The following ROBO1 variants were observed in gnomAD, a reference collection of about 807,000 sequenced individuals.
ROBO1 encodes roundabout guidance receptor 1.
In ROBO1, 149 loss-of-function variants were observed where a neutral mutation model predicts 195.9. The ratio of observed to expected loss-of-function variants is 0.76; its 90% CI spans 0.67 to 0.87. ROBO1 has a LOEUF of 0.87. ROBO1 is among the 40% of genes least tolerant of loss of function. The pLI is 0.00. For synonymous variants in ROBO1, 816 were observed against 733.2 expected (o/e 1.11, Z -1.82); for missense variants, 1,933 against 2,068.3 (o/e 0.93, Z 1.27).
At chr3:78,671,067 A>G (rs146339137) in intron 10 of ROBO1, among the ~76,000 whole-genome samples, 1 of 152,354 alleles carries the variant, frequency 6.6e-6, no homozygotes, top group East Asian at 1.9e-4. Context: ...CCGTTACCTT[A>G]GATAATAGTT....
chr3:78,884,884 G>GTGTGTGTGTT (rs2036452834), intron 4 of ROBO1, among the ~76,000 whole-genome samples: 1 of 151,792 alleles, frequency 6.6e-6, no homozygotes, highest in Non-Finnish European at 1.5e-5. Context: ...GTGTGTGTGT[G>GTGTGTGTGTT]TGTGTGTGTA....
At chr3:78,974,697 A>G (rs2076847680) in intron 3 of ROBO1, among the ~76,000 whole-genome samples, 1 of 152,160 alleles carries the variant, frequency 6.6e-6, no homozygotes, top group Admixed American at 6.6e-5. Context: ...ACAGGTGAAG[A>G]GATCACATCT....
At chr3:79,061,573 G>T (rs1165580754) in intron 3 of ROBO1, among the ~76,000 whole-genome samples, 1 of 152,100 alleles carries the variant, frequency 6.6e-6, no homozygotes, top group Non-Finnish European at 1.5e-5. Context: ...AACAAAGCTG[G>T]AGACATCACA....
chr3:79,708,425 G>T (rs73849819), intron 1 of ROBO1, among the ~76,000 whole-genome samples: 2 of 152,034 alleles, frequency 1.3e-5, no homozygotes, highest in South Asian at 2.1e-4. Flanking sequence ...CATAAAACAC[G>T]AATTATATAA....
At chr3:79,419,514 C>G (rs1201362989) in intron 2 of ROBO1, among the ~76,000 whole-genome samples, 1 of 152,106 alleles carries the variant, frequency 6.6e-6, no homozygotes, top group African/African-American at 2.4e-5. Flanking sequence ...GTGAAAACCA[C>G]TCTCAGGATC....
chr3:78,628,292 A>G (rs759875236), intron 25 of ROBO1, among the ~76,000 whole-genome samples: 19 of 152,362 alleles, frequency 1.2e-4, no homozygotes, highest in Admixed American at 6.5e-4. Context: ...AGAGAAAGAT[A>G]TAATGGAGGT....
At chr3:79,272,771 C>G (rs930541751) in intron 2 of ROBO1, among the ~76,000 whole-genome samples, 2 of 152,022 alleles carry the variant, frequency 1.3e-5, no homozygotes, top group Admixed American at 1.3e-4. Context: ...TAGCCCAAAG[C>G]GGCAGGCTGA....
Position 78,714,379 on chromosome 3 carries a change from G to A in ROBO1, c.1045+18C>T. On this transcript the variant is annotated intron_variant, in intron 8 of 30. Transcript: ENST00000464233. ...TGTATGCTAAAACCACCAAAACAAA[G>A]CCTTTCCCAATGCCTACCTTGAACA... The A allele has an allele frequency of 6.2e-7, 1 of 1,602,048 alleles. No individual in the cohort carries two copies. Among genetic ancestry groups the A allele is most frequent in the Non-Finnish European group, 8.5e-7 (1 of 1,175,880 alleles).
chr3:78,688,420 T>C (rs993084318), intron 9 of ROBO1, among the ~76,000 whole-genome samples: 4 of 152,200 alleles, frequency 2.6e-5, no homozygotes, highest in African/African-American at 9.7e-5. Flanking sequence ...TAATTTTATA[T>C]ACTACCTTGT....
At chr3:79,460,376 G>A (rs1301869255) in intron 2 of ROBO1, among the ~76,000 whole-genome samples, 2 of 152,134 alleles carry the variant, frequency 1.3e-5, no homozygotes, top group Middle Eastern at 3.4e-3. Flanking sequence ...TCTCCAAACC[G>A]GAAGAAAAGC....
intron 3 of ROBO1, among the ~76,000 whole-genome samples, chr3:79,094,377 G>T (rs1299077986): frequency 2.0e-5 from 3 of 152,082 alleles, no homozygotes; most frequent in Non-Finnish European, 1.5e-5. Context: ...TCAGCAGAGT[G>T]GTGAGAGTAT....
At chr3:79,084,271 G>A (rs2108470887) in intron 3 of ROBO1, among the ~76,000 whole-genome samples, 1 of 152,280 alleles carries the variant, frequency 6.6e-6, no homozygotes, top group East Asian at 1.9e-4. Flanking sequence ...GGCTGAGGTG[G>A]GCGGATCACC....
intron 3 of ROBO1, among the ~76,000 whole-genome samples, chr3:79,083,861 AG>A (rs1292016915): frequency 2.0e-5 from 3 of 152,192 alleles, no homozygotes; most frequent in Admixed American, 2.0e-4. Context: ...ATTTTCATGA[AG>A]GGAATTTCAA....
At chr3:79,638,989 G>T (rs1353047386) in intron 1 of ROBO1, among the ~76,000 whole-genome samples, 1 of 152,128 alleles carries the variant, frequency 6.6e-6, no homozygotes. Context: ...CTAAAAACTG[G>T]TAATGTAAAA....
chr3:78,946,146 C>G (rs2040429639), intron 3 of ROBO1, among the ~76,000 whole-genome samples: 1 of 152,102 alleles, frequency 6.6e-6, no homozygotes, highest in African/African-American at 2.4e-5. Flanking sequence ...GGCAGGCCAA[C>G]ATTCAAATTC....
chr3:79,099,829 C>G (rs1221570719), intron 3 of ROBO1, among the ~76,000 whole-genome samples: 2 of 151,598 alleles, frequency 1.3e-5, no homozygotes, highest in Admixed American at 6.6e-5. Context: ...ACCCTAACTC[C>G]CAAAAGATCT....
chr3:79,562,670 T>C (rs750205228), intron 2 of ROBO1, among the ~76,000 whole-genome samples: 6 of 152,196 alleles, frequency 3.9e-5, no homozygotes, highest in Non-Finnish European at 7.4e-5. Context: ...TTGAAGTACA[T>C]AGTCATAAAA....
At chr3:79,314,096 A>G (rs980998073) in intron 2 of ROBO1, among the ~76,000 whole-genome samples, 5 of 152,110 alleles carry the variant, frequency 3.3e-5, no homozygotes, top group Admixed American at 6.5e-5. Context: ...TGATTTCCTG[A>G]TTCTATCTAG....
chr3:79,234,869 T>A (rs930361422), intron 2 of ROBO1, among the ~76,000 whole-genome samples: 5 of 152,088 alleles, frequency 3.3e-5, no homozygotes, highest in African/African-American at 9.7e-5. Context: ...AACTATTGGG[T>A]ACTATGCTCA....
Sources: gnomAD v4.1 joint callset for allele counts (sites outside exome capture counted in the v4.1 genomes callset) on GRCh38, gnomAD v4.1.1 for gene constraint, MANE v1.5 for transcripts, NCBI Gene and HGNC (gene_info 2026-07-23, HGNC 2026-07-21) for gene names.